The following CCDC171 variants were observed in gnomAD, a reference collection of about 807,000 sequenced individuals.
CCDC171 encodes the protein coiled-coil domain containing 171, also known as coiled-coil domain-containing protein 171.
In CCDC171, 177 loss-of-function variants were observed where a neutral mutation model predicts 168.2. The ratio of observed to expected loss-of-function variants is 1.05; its 90% CI spans 0.93 to 1.19. CCDC171 has a LOEUF of 1.19. Among genes scored for constraint, CCDC171 ranks in the 50% most tolerant of loss-of-function variants. The pLI is 0.00. For synonymous variants in CCDC171, 687 were observed against 540.8 expected, an observed-to-expected ratio of 1.27 and a Z score of -3.75; for missense variants, 1,991 against 1,539.0, an observed-to-expected ratio of 1.29 and a Z score of -4.91.
intron 6 of CCDC171, among the ~76,000 whole-genome samples, chr9:16,026,332 C>CATTA (rs1833274216): frequency 6.6e-6 from 1 of 152,150 alleles, no homozygotes; most frequent in Non-Finnish European, 1.5e-5. Flanking sequence ...TTGATCACCT[C>CATTA]TAATAAAGGT....
intron 25 of CCDC171, among the ~76,000 whole-genome samples, chr9:15,951,696 C>T (rs969716098): frequency 2.0e-5 from 3 of 151,878 alleles, no homozygotes; most frequent in African/African-American, 7.3e-5. Flanking sequence ...AGTCCTTTGC[C>T]CATTTTTTAA....
intron 1 of CCDC171, among the ~76,000 whole-genome samples, chr9:16,059,307 G>T (rs1241844007): frequency 6.6e-6 from 1 of 152,178 alleles, no homozygotes; most frequent in Non-Finnish European, 1.5e-5. Context: ...CACAGAAGTT[G>T]AGTGGTGGGG....
chr9:16,047,231 A>G (rs1280787169), intron 1 of CCDC171, among the ~76,000 whole-genome samples: 3 of 152,102 alleles, frequency 2.0e-5, no homozygotes, highest in Admixed American at 2.0e-4. Context: ...ACATGTCCCA[A>G]ACAGAACCCA....
chr9:15,666,122 A>G (rs550127556), intron 8 of CCDC171, 41 bp from the exon 9 acceptor site: 143 of 1,583,040 alleles, frequency 9.0e-5, no homozygotes, highest in Middle Eastern at 5.0e-4. Flanking sequence ...TGATGCTAGC[A>G]TTTCTTAGCT....
intron 24 of CCDC171, among the ~76,000 whole-genome samples, chr9:15,893,623 A>G (rs1231438125): frequency 6.6e-6 from 1 of 152,214 alleles, no homozygotes; most frequent in African/African-American, 2.4e-5. Flanking sequence ...GGCAAAGAAC[A>G]TGAACAAACA....
intron 24 of CCDC171, among the ~76,000 whole-genome samples, chr9:15,912,226 G>T (rs958172542): frequency 2.0e-5 from 3 of 152,118 alleles, no homozygotes; most frequent in Non-Finnish European, 4.4e-5. Context: ...TTATTTCCTT[G>T]AGCGGTGGTT....
At chr9:15,555,499 G>A (rs1234729037) in intron 1 of CCDC171, among the ~76,000 whole-genome samples, 5 of 152,068 alleles carry the variant, frequency 3.3e-5, no homozygotes, top group Non-Finnish European at 4.4e-5. Context: ...CCAGCAAAGA[G>A]CAGAAATGCT....
intron 4 of CCDC171, among the ~76,000 whole-genome samples, chr9:15,590,771 C>CTCTTTCTCTT (rs2041923823): frequency 4.1e-5 from 5 of 122,520 alleles, no homozygotes; most frequent in African/African-American, 1.6e-4. Flanking sequence ...TTCTTTCTTT[C>CTCTTTCTCTT]TCTTTCTTTC....
chr9:16,013,707 A>G (rs1027210104), intron 3 of CCDC171, among the ~76,000 whole-genome samples: 4 of 152,254 alleles, frequency 2.6e-5, no homozygotes, highest in African/African-American at 7.2e-5. Context: ...ATACCACAAT[A>G]AAGTGAGTCA....
intron 6 of CCDC171, among the ~76,000 whole-genome samples, chr9:15,612,718 C>A (rs536116554): frequency 1.3e-5 from 2 of 152,170 alleles, no homozygotes; most frequent in East Asian, 3.9e-4. Flanking sequence ...CTTTTTCTTA[C>A]TTTTGAATAG....
intron 6 of CCDC171, among the ~76,000 whole-genome samples, chr9:15,602,061 C>T (rs424131): frequency 0.064 from 9,815 of 152,190 alleles, 432 homozygotes; most frequent in African/African-American, 0.12. Context: ...CTAGTTACTA[C>T]GAACAGTAAC....
chr9:15,904,363 G>T (rs1483217833), intron 24 of CCDC171, among the ~76,000 whole-genome samples: 1 of 152,188 alleles, frequency 6.6e-6, no homozygotes, highest in East Asian at 1.9e-4. Context: ...GACAGTGGGG[G>T]CTAATATTCA....
chr9:15,836,515 C>G (rs2060457326), intron 21 of CCDC171, among the ~76,000 whole-genome samples: 2 of 152,068 alleles, frequency 1.3e-5, no homozygotes, highest in Admixed American at 6.6e-5. Flanking sequence ...CCACGTCCGG[C>G]TAATTTTTTG....
At chr9:15,953,988 C>A (rs1829497549) in intron 25 of CCDC171, among the ~76,000 whole-genome samples, 1 of 151,864 alleles carries the variant, frequency 6.6e-6, no homozygotes, top group South Asian at 2.1e-4. Flanking sequence ...CTTACAATCC[C>A]TTTTTTCCCC....
intron 25 of CCDC171, among the ~76,000 whole-genome samples, chr9:15,950,630 A>G (rs1829032113): frequency 6.6e-6 from 1 of 152,168 alleles, no homozygotes. Context: ...GAAGCGCTAA[A>G]CATGGAAAGG....
intron 3 of CCDC171, among the ~76,000 whole-genome samples, chr9:15,990,796 C>T (rs1297163092): frequency 6.6e-6 from 1 of 152,112 alleles, no homozygotes; most frequent in African/African-American, 2.4e-5. Flanking sequence ...ATAAAGCAGG[C>T]TTTAAGCCAA....
At chr9:15,606,086 A>G (rs1246892976) in intron 6 of CCDC171, among the ~76,000 whole-genome samples, 3 of 152,220 alleles carry the variant, frequency 2.0e-5, no homozygotes, top group Non-Finnish European at 2.9e-5. Context: ...TAATAGAACC[A>G]TCATAACAAG....
chr9:15,988,535 A>G (rs1832075937), intron 3 of CCDC171, among the ~76,000 whole-genome samples: 1 of 152,098 alleles, frequency 6.6e-6, no homozygotes, highest in Non-Finnish European at 1.5e-5. Flanking sequence ...TTTCCAACTG[A>G]GGTACCAGGT....
intron 3 of CCDC171, among the ~76,000 whole-genome samples, chr9:16,000,728 CTT>C (rs368139063): frequency 6.7e-6 from 1 of 148,324 alleles, no homozygotes; most frequent in Non-Finnish European, 1.5e-5. Context: ...TAAGAAGAGA[CTT>C]TTTTTTTTTG....
Sources: allele counts gnomAD v4.1 joint callset (sites outside exome capture counted in the v4.1 genomes callset), GRCh38; gene constraint gnomAD v4.1.1; transcripts MANE v1.5; gene names NCBI Gene and HGNC (gene_info 2026-07-23, HGNC 2026-07-21).